The following SLC25A21 variants were observed in gnomAD, a reference collection of about 807,000 sequenced individuals.
SLC25A21 encodes solute carrier family 25 member 21.
A neutral mutation model predicts 43.8 loss-of-function variants in SLC25A21; 47 were observed. That is an observed-to-expected ratio of 1.07 (90% CI 0.85 to 1.37). SLC25A21 has a LOEUF of 1.37. Ranked by LOEUF, SLC25A21 falls within the 40% of genes most tolerant of loss-of-function variation. SLC25A21 has a pLI of 0.00. For missense variants in SLC25A21, 352 were observed against 350.2 expected (o/e 1.00, Z -0.04); for synonymous variants, 131 against 121.3 (o/e 1.08, Z -0.52).
chr14:36,946,465 T>A (rs920196512), intron 1 of SLC25A21, among the ~76,000 whole-genome samples: 8 of 152,156 alleles, frequency 5.3e-5, no homozygotes, highest in Admixed American at 1.3e-4. Context: ...AATGATTCCA[T>A]ACGTAAATAA....
At chr14:37,030,321 T>C (rs779662556) in intron 1 of SLC25A21, among the ~76,000 whole-genome samples, 3 of 151,906 alleles carry the variant, frequency 2.0e-5, no homozygotes, top group Non-Finnish European at 4.4e-5. Flanking sequence ...CAGAAGAAAA[T>C]CCACACAGAA....
chr14:37,151,250 G>T (rs1963754128), intron 1 of SLC25A21, among the ~76,000 whole-genome samples: 1 of 152,052 alleles, frequency 6.6e-6, no homozygotes, highest in African/African-American at 2.4e-5. Context: ...TCCACTCTTG[G>T]GTTGCTCTCA....
At chr14:37,019,507 T>C (rs1327374559) in intron 1 of SLC25A21, among the ~76,000 whole-genome samples, 2 of 151,824 alleles carry the variant, frequency 1.3e-5, no homozygotes, top group African/African-American at 2.4e-5. Context: ...AACATAGCAA[T>C]AATAAAGGCA....
chr14:37,076,601 G>A, intron 1 of SLC25A21, among the ~76,000 whole-genome samples: 1 of 152,120 alleles, frequency 6.6e-6, no homozygotes, highest in East Asian at 1.9e-4. Flanking sequence ...CGATTCTCCT[G>A]CCTCAGTCTC....
intron 1 of SLC25A21, among the ~76,000 whole-genome samples, chr14:36,995,478 CTT>C (rs1421464496): frequency 1.3e-5 from 2 of 152,132 alleles, no homozygotes; most frequent in African/African-American, 2.4e-5. Context: ...GCCTTTGAGT[CTT>C]TGACTGTAGG....
At chr14:37,053,867 T>C (rs1961762595) in intron 1 of SLC25A21, among the ~76,000 whole-genome samples, 1 of 152,174 alleles carries the variant, frequency 6.6e-6, no homozygotes, top group African/African-American at 2.4e-5. Context: ...AAATAATAGC[T>C]GCAATGGATT....
At chr14:37,031,451 T>C (rs1389010174) in intron 1 of SLC25A21, among the ~76,000 whole-genome samples, 1 of 152,228 alleles carries the variant, frequency 6.6e-6, no homozygotes, top group African/African-American at 2.4e-5. Flanking sequence ...TGGCTTATCA[T>C]ACAAACATCT....
At chr14:36,715,137 A>G (rs745415856) in intron 6 of SLC25A21, among the ~76,000 whole-genome samples, 4 of 152,240 alleles carry the variant, frequency 2.6e-5, no homozygotes, top group Non-Finnish European at 5.9e-5. Flanking sequence ...TCCAACTGAT[A>G]TAAGTAACAG....
In SLC25A21 at chr14:37,026,936, T is replaced by C. The variant is rs145177653; in HGVS notation, c.70+145345A>G. On this transcript the variant is annotated intron_variant, in intron 1 of 9. Coordinates refer to ENST00000331299, the MANE Select transcript of SLC25A21 (RefSeq NM_030631.4). ...AGGCTCCATTTATTTAAAGACTACA[T>C]ACAGACTTCTTTGAGAGGAGAAAAA... Among the ~76,000 whole-genome samples the C allele has an allele frequency of 5.8e-4, 89 of 152,220 alleles. No individual in the cohort carries two copies. The East Asian group carries it at 0.016, about 27-fold the overall frequency.
At chr14:37,051,180 C>T (rs185764260) in intron 1 of SLC25A21, among the ~76,000 whole-genome samples, 204 of 152,310 alleles carry the variant, frequency 1.3e-3, no homozygotes, top group African/African-American at 4.9e-3. Flanking sequence ...TAAGTCTAAG[C>T]ACCGCATAAA....
intron 1 of SLC25A21, among the ~76,000 whole-genome samples, chr14:36,895,236 C>T (rs966022135): frequency 2.6e-5 from 4 of 152,122 alleles, no homozygotes; most frequent in East Asian, 3.9e-4. Context: ...TTGGTCTATT[C>T]GGAGATTCAA....
At chr14:36,710,412 G>A (rs185611057) in intron 7 of SLC25A21, among the ~76,000 whole-genome samples, 6 of 151,096 alleles carry the variant, frequency 4.0e-5, no homozygotes, top group East Asian at 3.9e-4. Context: ...AAAAGGAAAC[G>A]GGGAAAAAAA....
intron 6 of SLC25A21, among the ~76,000 whole-genome samples, chr14:36,713,892 G>C (rs1012665987): frequency 6.6e-6 from 1 of 152,124 alleles, no homozygotes; most frequent in Non-Finnish European, 1.5e-5. Flanking sequence ...TGACTAAGGA[G>C]GCTGACGCAG....
chr14:37,091,168 C>T (rs1962577684), intron 1 of SLC25A21, among the ~76,000 whole-genome samples: 1 of 152,138 alleles, frequency 6.6e-6, no homozygotes, highest in South Asian at 2.1e-4. Flanking sequence ...GGTGCGGTGG[C>T]TCATACCTGT....
At chr14:37,129,187 C>A (rs1963350828) in intron 1 of SLC25A21, among the ~76,000 whole-genome samples, 1 of 152,186 alleles carries the variant, frequency 6.6e-6, no homozygotes, top group African/African-American at 2.4e-5. Flanking sequence ...AAACTCCTGG[C>A]TTCTCATCCA....
intron 1 of SLC25A21, among the ~76,000 whole-genome samples, chr14:37,110,057 G>A (rs1015187996): frequency 2.0e-5 from 3 of 152,100 alleles, no homozygotes; most frequent in Non-Finnish European, 2.9e-5. Context: ...CAGAGCTTCT[G>A]ACTTTAAGTT....
chr14:37,030,684 T>C (rs1405964204), intron 1 of SLC25A21, among the ~76,000 whole-genome samples: 1 of 152,206 alleles, frequency 6.6e-6, no homozygotes, highest in Non-Finnish European at 1.5e-5. Context: ...TAAAAGGTTA[T>C]GTTTGTGACC....
At chr14:36,814,040 T>C in intron 2 of SLC25A21, 39 bp from the exon 3 acceptor site, 1 of 1,408,278 alleles carries the variant, frequency 7.1e-7, no homozygotes, top group Non-Finnish European at 9.9e-7. Context: ...AAGTTAAAGA[T>C]TTTGCCAAAT....
chr14:36,957,847 C>T (rs7141581), intron 1 of SLC25A21, among the ~76,000 whole-genome samples: 1 of 151,982 alleles, frequency 6.6e-6, no homozygotes, highest in Non-Finnish European at 1.5e-5. Flanking sequence ...TATTTATACG[C>T]AACTTGTTCT....
Sources: gnomAD v4.1 joint callset for allele counts (sites outside exome capture counted in the v4.1 genomes callset) on GRCh38, gnomAD v4.1.1 for gene constraint, MANE v1.5 for transcripts, NCBI Gene and HGNC (gene_info 2026-07-23, HGNC 2026-07-21) for gene names.